The following PLCB4 variants were observed in gnomAD, a reference collection of about 807,000 sequenced individuals.
PLCB4 encodes phospholipase C beta 4.
PLCB4 carries 77 observed loss-of-function variants against 178.8 expected under a neutral mutation model. The observed-to-expected ratio is 0.43, with a 90% CI of 0.36 to 0.52. The LOEUF is 0.52. Ranked by LOEUF, PLCB4 falls within the 20% of genes least tolerant of loss-of-function variation. The probability of loss-of-function intolerance (pLI) is 0.00; values close to 1 mark genes in which losing one functional copy is unlikely to be tolerated. For synonymous variants in PLCB4, 496 were observed against 490.8 expected, an observed-to-expected ratio of 1.01 and a Z score of -0.14; for missense variants, 1,024 against 1,453.4, an observed-to-expected ratio of 0.70 and a Z score of 4.80.
intron 2 of PLCB4, among the ~76,000 whole-genome samples, chr20:9,182,285 T>G (rs1030740751): frequency 8.5e-5 from 13 of 152,190 alleles, no homozygotes; most frequent in Admixed American, 3.9e-4. Context: ...TTGAGGGTTT[T>G]TTCTTATCCT....
At chr20:9,432,487 G>C (rs911026183) in intron 28 of PLCB4, among the ~76,000 whole-genome samples, 3 of 152,194 alleles carry the variant, frequency 2.0e-5, no homozygotes, top group African/African-American at 7.2e-5. Context: ...GGGATTGGAT[G>C]CTTGGCAAAA....
chr20:9,299,990 T>A (rs1020353850), intron 3 of PLCB4, among the ~76,000 whole-genome samples: 1 of 152,140 alleles, frequency 6.6e-6, no homozygotes, highest in Non-Finnish European at 1.5e-5. Context: ...AAAATGGAGG[T>A]ATTTTTGCAA....
At chr20:9,153,461 C>T (rs111594524) in intron 2 of PLCB4, among the ~76,000 whole-genome samples, 2,753 of 152,142 alleles carry the variant, frequency 0.018, 62 homozygotes, top group African/African-American at 0.053. Flanking sequence ...TCAGGGGTTC[C>T]CACTCTTGCT....
chr20:9,426,403 A>T (rs2041009465), intron 28 of PLCB4, among the ~76,000 whole-genome samples: 1 of 151,822 alleles, frequency 6.6e-6, no homozygotes, highest in South Asian at 2.1e-4. Context: ...TTTGAGACGG[A>T]GTTTTGCTCT....
intron 2 of PLCB4, among the ~76,000 whole-genome samples, chr20:9,098,969 ACT>A (rs1303497867): frequency 5.3e-5 from 8 of 150,918 alleles, no homozygotes; most frequent in Non-Finnish European, 8.8e-5. Context: ...CTATTTTAAA[ACT>A]CTGTATCATT....
intron 4 of PLCB4, among the ~76,000 whole-genome samples, chr20:9,325,817 G>A (rs6118578): frequency 2.6e-5 from 4 of 152,144 alleles, no homozygotes; most frequent in African/African-American, 9.7e-5. Context: ...AAAGAACCAA[G>A]GATATTTCTG....
chr20:9,085,052 C>CAA (rs11474540), intron 1 of PLCB4, among the ~76,000 whole-genome samples: 2 of 41,374 alleles, frequency 4.8e-5, no homozygotes, highest in Admixed American at 2.4e-4. Flanking sequence ...GACTCCATCT[C>CAA]AAAAAAAAAA....
intron 2 of PLCB4, among the ~76,000 whole-genome samples, chr20:9,161,892 A>G (rs1355924061): frequency 6.6e-6 from 1 of 152,216 alleles, no homozygotes; most frequent in Middle Eastern, 3.2e-3. Context: ...TTATTAATAA[A>G]CTAAAATTAA....
chr20:9,389,678 A>C (rs983188671), intron 15 of PLCB4, among the ~76,000 whole-genome samples: 3 of 152,168 alleles, frequency 2.0e-5, no homozygotes, highest in Non-Finnish European at 4.4e-5. Flanking sequence ...TAGCTTAAAA[A>C]ATTGTCATTA....
intron 2 of PLCB4, among the ~76,000 whole-genome samples, chr20:9,131,837 A>G (rs2092279930): frequency 6.6e-6 from 1 of 152,194 alleles, no homozygotes; most frequent in Non-Finnish European, 1.5e-5. Context: ...CAGAGGCTTG[A>G]TAATCATTTG....
chr20:9,093,385 A>G (rs564219425), intron 1 of PLCB4, among the ~76,000 whole-genome samples: 1 of 152,262 alleles, frequency 6.6e-6, no homozygotes, highest in East Asian at 1.9e-4. Flanking sequence ...CTGCCTCCTG[A>G]GGCTGAGTTG....
intron 17 of PLCB4, 33 bp downstream of exon 17, chr20:9,390,648 T>C: frequency 1.9e-6 from 2 of 1,068,624 alleles, no homozygotes; most frequent in Non-Finnish European, 2.9e-6. Flanking sequence ...ATTTCTAGCA[T>C]GAATGGATTT....
At chr20:9,372,225 G>A in intron 10 of PLCB4, 78 bp from the exon 11 acceptor site, 1 of 801,478 alleles carries the variant, frequency 1.2e-6, no homozygotes, top group Non-Finnish European at 2.1e-6. Context: ...TCTTCACTGT[G>A]CTTCATGACC....
At chr20:9,383,918 T>C (rs1273936266) in intron 13 of PLCB4, among the ~76,000 whole-genome samples, 1 of 152,162 alleles carries the variant, frequency 6.6e-6, no homozygotes, top group Non-Finnish European at 1.5e-5. Flanking sequence ...GGACCCCTGG[T>C]CACCATAACT....
Position 9,372,365 on chromosome 20 carries a change from T to C in PLCB4, c.648T>C (p.Ile216=), listed in dbSNP as rs1340099018. 1 of 1,601,678 alleles carries C rather than the reference T, an allele frequency of 6.2e-7. No individual in the cohort carries two copies. Among genetic ancestry groups the C allele is most frequent in the South Asian group, 1.1e-5 (1 of 90,536 alleles). The change falls in exon 11 of 40, where the codon ATT becomes ATC. Residue 216 remains isoleucine, a synonymous_variant. Transcript: ENST00000378473. ...AGTTCTATGAACTGACACAAAAGATTTGTCCTCGGACAGATATAGAAGATC... is the reference window on the plus strand; with the variant it reads ...AGTTCTATGAACTGACACAAAAGATCTGTCCTCGGACAGATATAGAAGATC... ...YEKFYELTQK[I]CPRTDIEDLF...
intron 1 of PLCB4, among the ~76,000 whole-genome samples, chr20:9,075,349 C>T (rs929695771): frequency 6.6e-6 from 1 of 152,154 alleles, no homozygotes; most frequent in Non-Finnish European, 1.5e-5. Context: ...GGCAATCCTG[C>T]TGTGAATATG....
At chr20:9,198,162 A>G (rs1009082216) in intron 2 of PLCB4, among the ~76,000 whole-genome samples, 2 of 152,186 alleles carry the variant, frequency 1.3e-5, no homozygotes, top group Non-Finnish European at 1.5e-5. Flanking sequence ...AGGTTTTTAT[A>G]TCATTTATAC....
At chr20:9,091,709 A>G (rs1489125078) in intron 1 of PLCB4, among the ~76,000 whole-genome samples, 1 of 151,400 alleles carries the variant, frequency 6.6e-6, no homozygotes, top group Admixed American at 6.6e-5. Context: ...TGGTTTATAC[A>G]ACAATAGCTA....
chr20:9,141,623 C>T (rs574496944), intron 2 of PLCB4, among the ~76,000 whole-genome samples: 1 of 152,212 alleles, frequency 6.6e-6, no homozygotes, highest in South Asian at 2.1e-4. Context: ...GTACTGAACA[C>T]TCCATATGTA....
Sources: gnomAD v4.1 joint callset for allele counts (sites outside exome capture counted in the v4.1 genomes callset) on GRCh38, gnomAD v4.1.1 for gene constraint, MANE v1.5 for transcripts, NCBI Gene and HGNC (gene_info 2026-07-23, HGNC 2026-07-21) for gene names.